ACACB: variants seen among roughly 807,000 people sequenced by gnomAD.
The protein encoded by ACACB is acetyl-CoA carboxylase beta, also known as acetyl-CoA carboxylase 2.
A neutral mutation model predicts 278.8 loss-of-function variants in ACACB; 209 were observed. That is an observed-to-expected ratio of 0.75 (90% CI 0.67 to 0.84). ACACB has a LOEUF of 0.84. Among genes scored for constraint, ACACB ranks in the 40% least tolerant of loss-of-function variants. The probability of loss-of-function intolerance (pLI) is 0.00; values close to 1 mark genes in which losing one functional copy is unlikely to be tolerated. For synonymous variants in ACACB, 1,174 were observed against 1,285.6 expected (o/e 0.91, Z 1.86); for missense variants, 2,850 against 3,269.0 (o/e 0.87, Z 3.13).
chr12:109,185,725 C>G lies in ACACB; in HGVS notation c.1965C>G (p.Ser655Arg). 1.9e-6 allele frequency: 3 copies of G among 1,610,440 alleles called. No homozygotes were observed. Among genetic ancestry groups the G allele is most frequent in the Non-Finnish European group, 2.5e-6 (3 of 1,177,806 alleles). The part of the protein sequence containing the change: ...RGHVIAARIT[S>R]ENPDEGFKPS... The stretch of plus-strand genomic sequence containing the variant: ...ACGTCATTGCCGCCAGAATCACCAG[C>G]GAAAACCCAGACGAGGCAAGTTATG... Residue 655 changes from serine to arginine, a missense_variant, in exon 12 of 53, where the codon AGC (serine) becomes AGG (arginine). This residue lies in a region of ACACB where 2,265 missense variants were observed against 2,561.3 expected (regional missense o/e 0.88). Coordinates refer to ENST00000338432, the MANE Select transcript of ACACB (RefSeq NM_001093.4).
At chr12:109,139,072 G>A (rs892561775) in intron 1 of ACACB, among the ~76,000 whole-genome samples, 1 of 152,144 alleles carries the variant, frequency 6.6e-6, no homozygotes, top group African/African-American at 2.4e-5. Context: ...CCACTAATCT[G>A]TTTTCTGTCT....
intron 9 of ACACB, among the ~76,000 whole-genome samples, chr12:109,176,553 C>T (rs2044289815): frequency 6.6e-6 from 1 of 152,094 alleles, no homozygotes. Context: ...CTATATTGGC[C>T]TATAGAGGAA....
In ACACB at chr12:109,265,374, C is replaced by T. The variant is rs1376455876; in HGVS notation, c.7114-15C>T. The T allele has an allele frequency of 1.9e-6, 3 of 1,613,468 alleles. No homozygotes were observed. The highest frequency in any genetic ancestry group is 1.7e-6 in the Non-Finnish European group (2 of 1,179,744). On this transcript the variant is annotated splice_polypyrimidine_tract_variant and intron_variant, in intron 51 of 52. Coordinates refer to ENST00000338432, the MANE Select transcript of ACACB (RefSeq NM_001093.4). ...GCTGGGTCCCTCTCTGAGGCATCCT[C>T]TGCCCCCTCCCCAGGCCTACTTGTG... is the stretch of plus-strand genomic sequence containing the variant.
In ACACB at chr12:109,266,405, CCACCCAGACCCACCACCCGTACACCCT is replaced by C; in HGVS notation, c.*46_*72del. On this transcript the variant is annotated 3_prime_UTR_variant, in exon 53 of 53. Coordinates refer to ENST00000338432, the MANE Select transcript of ACACB (RefSeq NM_001093.4). Reference sequence around the variant, plus strand: ...ACTCCCGGGACCACGGCAAAAGGAACCACCCAGACCCACCACCCGTACACCCTCAGCAGACCCTGAAGACTTGCTTTT... The same window carrying C: ...ACTCCCGGGACCACGGCAAAAGGAACCAGCAGACCCTGAAGACTTGCTTTT... 6.4e-7 allele frequency: 1 copy of C among 1,553,704 alleles called. No individual in the cohort carries two copies. The highest frequency in any genetic ancestry group is 8.7e-7 in the Non-Finnish European group (1 of 1,154,532).
chr12:109,121,375 A>C (rs2042545242), intron 1 of ACACB, among the ~76,000 whole-genome samples: 1 of 152,182 alleles, frequency 6.6e-6, no homozygotes, highest in Non-Finnish European at 1.5e-5. Flanking sequence ...GGGGAGATGA[A>C]GTCAGAAATT....
At chr12:109,198,407 A>ATTATT (rs1011386354) in intron 17 of ACACB, among the ~76,000 whole-genome samples, 15 of 152,188 alleles carry the variant, frequency 9.9e-5, no homozygotes, top group Admixed American at 2.6e-4. Flanking sequence ...CATCCTTTTT[A>ATTATT]TTATTTTATT....
intron 33 of ACACB, among the ~76,000 whole-genome samples, chr12:109,236,704 T>C (rs904667646): frequency 1.3e-5 from 2 of 152,220 alleles, no homozygotes; most frequent in African/African-American, 2.4e-5. Flanking sequence ...TCCAAAGCTT[T>C]ATTTTTCTAG....
At position 109,139,937 on chromosome 12, in the gene ACACB, G is replaced by C. The variant is rs1416647816; in HGVS notation, c.532G>C (p.Asp178His). The C allele has an allele frequency of 6.2e-7, 1 of 1,614,146 alleles. No homozygotes were observed. Among genetic ancestry groups the C allele is most frequent in the Admixed American group, 1.7e-5 (1 of 60,032 alleles). Residue 178 changes from aspartate to histidine, a missense_variant, in exon 2 of 53, where the codon GAC becomes CAC. Physicochemically the swap from Asp to His is moderately conservative, Grantham distance 81. Transcript: ENST00000338432. The part of the protein sequence containing the change: ...GSFDDYSSDE[D>H]SVAGSSREST... ...TTTTGATGACTACTCCTCCGACGAG[G>C]ACTCTGTTGCTGGCTCATCTCGTGA...
chr12:109,125,183 AC>A (rs1402610957), intron 1 of ACACB: 2 of 152,242 alleles, frequency 1.3e-5, no homozygotes, highest in Admixed American at 6.5e-5. Flanking sequence ...AAAAGTATCA[AC>A]GAGTTGTTTT....
chr12:109,137,875 C>T (rs533150867), intron 1 of ACACB, among the ~76,000 whole-genome samples: 17 of 150,714 alleles, frequency 1.1e-4, no homozygotes, highest in Non-Finnish European at 1.2e-4. Context: ...CAACCTCTGC[C>T]TCCTGGGCTT....
At chr12:109,196,708 A>T (rs908300309) in intron 16 of ACACB, among the ~76,000 whole-genome samples, 7 of 152,180 alleles carry the variant, frequency 4.6e-5, no homozygotes, top group Non-Finnish European at 1.0e-4. Flanking sequence ...GGAGACAGGA[A>T]TCAGAAGGGA....
chr12:109,182,932 G>A (rs1216122174), intron 11 of ACACB, among the ~76,000 whole-genome samples: 1 of 152,096 alleles, frequency 6.6e-6, no homozygotes, highest in African/African-American at 2.4e-5. Flanking sequence ...CATAATTTCA[G>A]GTCTTAGATT....
chr12:109,247,245 C>T (rs1355958460), intron 39 of ACACB, among the ~76,000 whole-genome samples: 1 of 151,212 alleles, frequency 6.6e-6, no homozygotes, highest in East Asian at 1.9e-4. Context: ...GCCCACTACC[C>T]CCAAGAAGAC....
intron 42 of ACACB, 45 bp from the exon 43 acceptor site, chr12:109,252,970 C>G: frequency 6.6e-7 from 1 of 1,520,914 alleles, no homozygotes; most frequent in Middle Eastern, 2.1e-4. Flanking sequence ...GGTGGTAGAG[C>G]CCTGCACCGT....
In ACACB at chr12:109,264,457, G is replaced by A. The variant is rs931140181; in HGVS notation, c.6942+71G>A. The A allele has an allele frequency of 2.3e-5, 37 of 1,584,180 alleles. 2 individuals are homozygous for A. Among genetic ancestry groups the A allele is most frequent in the East Asian group, 1.1e-4 (5 of 44,284 alleles). On this transcript the variant is annotated intron_variant, in intron 50 of 52. Coordinates refer to ENST00000338432, the MANE Select transcript of ACACB (RefSeq NM_001093.4). ...TTTCCAAAACATGGAGGACATTTGG[G>A]CTCGGGGGCGGGGAGGGCGGTGGTG...
rs115938644 is a variant in ACACB, at chr12:109,194,054, G to C, written c.2481+325G>C. On this transcript the variant is annotated intron_variant, in intron 16 of 52. Transcript: ENST00000338432. ...AAGCCAAGTCTAAAATCGAGGTGTT[G>C]GCGGGCCGTGGTCTCTCTGAAGGCG... Among the ~76,000 whole-genome samples the C allele has an allele frequency of 8.7e-3, 1,330 of 152,288 alleles. 31 individuals carry two copies. The highest frequency in any genetic ancestry group is 0.03 in the African/African-American group (1,263 of 41,568).
intron 32 of ACACB, 102 bp downstream of exon 32, chr12:109,235,471 T>C: frequency 6.9e-7 from 1 of 1,443,900 alleles, no homozygotes; most frequent in East Asian, 2.3e-5. Flanking sequence ...AAAGAGATCA[T>C]TAGAAAGGAG....
chr12:109,244,234 C>G lies in ACACB; in HGVS notation c.5179-1392C>G, dbSNP rs551738868. Among the ~76,000 whole-genome samples, 3 of 152,298 alleles carry G rather than the reference C, an allele frequency of 2.0e-5. No individual in the cohort carries two copies. The East Asian group carries it at 5.8e-4, about 29-fold the overall frequency. On this transcript the variant is annotated intron_variant, in intron 37 of 52. Transcript: ENST00000338432. The stretch of plus-strand genomic sequence containing the variant: ...AGGCAGGAAGCATCTGTTCCTACCT[C>G]TGCCTATGCCTCATGCATAGAGGAT...
intron 7 of ACACB, 123 bp downstream of exon 7, chr12:109,174,353 T>C: frequency 1.3e-6 from 1 of 754,778 alleles, no homozygotes; most frequent in African/African-American, 1.8e-5. Flanking sequence ...CTTACTTTTA[T>C]TTTTTAGTCA....
Sources: allele counts gnomAD v4.1 joint callset (sites outside exome capture counted in the v4.1 genomes callset), GRCh38; gene constraint gnomAD v4.1.1; regional missense constraint gnomAD v4.1.1; transcripts MANE v1.5; gene names NCBI Gene and HGNC (gene_info 2026-07-23, HGNC 2026-07-21).